The following RANBP2 variants were observed in gnomAD, a reference collection of about 807,000 sequenced individuals.
RANBP2 encodes E3 SUMO-protein ligase RanBP2.
RANBP2 carries 57 observed loss-of-function variants against 303.6 expected under a neutral mutation model. The observed-to-expected ratio is 0.19, with a 90% CI of 0.15 to 0.23. The LOEUF is 0.23. Ranked by LOEUF, RANBP2 falls within the 10% of genes least tolerant of loss-of-function variation. The probability of loss-of-function intolerance (pLI) is 1.00; values close to 1 mark genes in which losing one functional copy is unlikely to be tolerated. For synonymous variants in RANBP2, 1,167 were observed against 1,301.5 expected, an observed-to-expected ratio of 0.90 and a Z score of 2.23; for missense variants, 3,138 against 3,780.8, an observed-to-expected ratio of 0.83 and a Z score of 4.46.
intron 20 of RANBP2, 65 bp downstream of exon 20, chr2:108,768,453 A>C (rs1169717985): frequency 3.7e-6 from 6 of 1,603,902 alleles, no homozygotes; most frequent in Non-Finnish European, 4.2e-6. Context: ...CTTGATGCAG[A>C]CTCTTTGTAG....
chr2:109,657,918 C>T, the RANBP2 span, among the ~76,000 whole-genome samples: 9 of 151,546 alleles, frequency 5.9e-5, no homozygotes, highest in Non-Finnish European at 1.3e-4. Flanking sequence ...AGGGGTTTAA[C>T]GCTATTGGCC....
the RANBP2 span, among the ~76,000 whole-genome samples, chr2:109,244,963 G>A: frequency 2.9e-4 from 44 of 152,338 alleles, 1 homozygote; most frequent in Admixed American, 7.2e-4. Flanking sequence ...TTGATCAGGT[G>A]CCAGTATCTC....
At chr2:109,057,557 T>C in the RANBP2 span, among the ~76,000 whole-genome samples, 2 of 152,248 alleles carry the variant, frequency 1.3e-5, no homozygotes, top group Non-Finnish European at 2.9e-5. Context: ...CATGGAACTC[T>C]GTGGAGAGTC....
At chr2:108,833,033 A>G in the RANBP2 span, among the ~76,000 whole-genome samples, 3 of 152,230 alleles carry the variant, frequency 2.0e-5, no homozygotes, top group Non-Finnish European at 2.9e-5. Context: ...GCTACATACT[A>G]TATGATTCCA....
At chr2:108,925,771 C>T in the RANBP2 span, among the ~76,000 whole-genome samples, 13 of 152,250 alleles carry the variant, frequency 8.5e-5, no homozygotes, top group Admixed American at 7.2e-4. Context: ...GCATGCACCA[C>T]GACGCCTGGC....
chr2:109,639,697 T>C, the RANBP2 span, among the ~76,000 whole-genome samples: 1 of 151,960 alleles, frequency 6.6e-6, no homozygotes, highest in Admixed American at 6.6e-5. Flanking sequence ...AGAGGTCATT[T>C]ATGTTTTCTA....
At chr2:108,809,306 T>C in the RANBP2 span, among the ~76,000 whole-genome samples, 10 of 152,308 alleles carry the variant, frequency 6.6e-5, no homozygotes, top group East Asian at 1.7e-3. Flanking sequence ...TTGGGGTCTT[T>C]CATGATTTCA....
At chr2:109,514,177 G>A in the RANBP2 span, among the ~76,000 whole-genome samples, 8 of 152,304 alleles carry the variant, frequency 5.3e-5, no homozygotes, top group East Asian at 9.6e-4. Context: ...CAAGCTAGCC[G>A]GGCCAGATTC....
chr2:108,721,793 G>A (rs1488261214), intron 1 of RANBP2, among the ~76,000 whole-genome samples: 12 of 152,118 alleles, frequency 7.9e-5, no homozygotes, highest in Non-Finnish European at 1.8e-4. Context: ...CCAGGCTGGA[G>A]TGCTGTGGCG....
the RANBP2 span, among the ~76,000 whole-genome samples, chr2:109,274,805 G>A: frequency 0.024 from 3,665 of 152,100 alleles, 140 homozygotes; most frequent in African/African-American, 0.084. Context: ...ATCAATAAAA[G>A]AGCTAGTTCT....
At chr2:109,554,279 T>C in the RANBP2 span, among the ~76,000 whole-genome samples, 1 of 152,128 alleles carries the variant, frequency 6.6e-6, no homozygotes, top group African/African-American at 2.4e-5. Context: ...AAACAAACAA[T>C]AACAAATATG....
At chr2:108,790,520 T>C (rs1679732394), downstream of RANBP2, among the ~76,000 whole-genome samples, 1 of 152,124 alleles carries the variant, frequency 6.6e-6, no homozygotes. Context: ...ATATACACAC[T>C]GGCTTTCTAA....
chr2:109,479,569 A>G, the RANBP2 span, among the ~76,000 whole-genome samples: 8 of 152,124 alleles, frequency 5.3e-5, no homozygotes, highest in African/African-American at 1.9e-4. Context: ...GGGCAGAGGA[A>G]GCAGCAGCCA....
chr2:108,755,119 A>C, intron 16 of RANBP2, 35 bp downstream of exon 16: 2 of 1,611,942 alleles, frequency 1.2e-6, no homozygotes, highest in South Asian at 2.2e-5. Context: ...TTCATTGTGA[A>C]ATTGTTTCTG....
chr2:108,726,731 TAAAC>T (rs1183612220), intron 1 of RANBP2, among the ~76,000 whole-genome samples: 1 of 151,530 alleles, frequency 6.6e-6, no homozygotes, highest in Non-Finnish European at 1.5e-5. Context: ...GGTCAGCAGA[TAAAC>T]AAGTGAACAA....
the RANBP2 span, among the ~76,000 whole-genome samples, chr2:109,350,495 A>T: frequency 6.6e-6 from 1 of 152,188 alleles, no homozygotes; most frequent in East Asian, 1.9e-4. Flanking sequence ...CCATGCTCCT[A>T]TGCCCACTTT....
chr2:108,802,041 A>G, the RANBP2 span, among the ~76,000 whole-genome samples: 1 of 139,900 alleles, frequency 7.1e-6, no homozygotes, highest in Non-Finnish European at 1.5e-5. Flanking sequence ...GCCTTGTAGT[A>G]TAGTTTGAAG....
At chr2:109,181,070 C>A in the RANBP2 span, among the ~76,000 whole-genome samples, 1 of 152,214 alleles carries the variant, frequency 6.6e-6, no homozygotes, top group African/African-American at 2.4e-5. Context: ...ACAGTACTCA[C>A]AGACCCTCCG....
At chr2:109,341,418 C>G in the RANBP2 span, among the ~76,000 whole-genome samples, 352 of 152,278 alleles carry the variant, frequency 2.3e-3, 4 homozygotes, top group Middle Eastern at 0.02. Context: ...GTTGAAAGTG[C>G]TTTTCAAAGA....
Sources: allele counts gnomAD v4.1 joint callset (sites outside exome capture counted in the v4.1 genomes callset), GRCh38; gene constraint gnomAD v4.1.1; transcripts MANE v1.5; gene names NCBI Gene and HGNC (gene_info 2026-07-23, HGNC 2026-07-21).